Variants in C3orf33 observed in about 807,000 individuals in gnomAD.
C3orf33 encodes the protein AP-1 activity suppressor.
In C3orf33, 23 loss-of-function variants were observed where a neutral mutation model predicts 28.7. The observed-to-expected ratio is 0.80, with a 90% confidence interval of 0.58 to 1.13. C3orf33 has a LOEUF of 1.13. Ranked by LOEUF, C3orf33 falls within the 50% of genes most tolerant of loss-of-function variation. The pLI is 0.00. For missense variants in C3orf33, 327 were observed against 353.4 expected, an observed-to-expected ratio of 0.93 and a Z score of 0.60; for synonymous variants, 119 against 120.5, an observed-to-expected ratio of 0.99 and a Z score of 0.08.
At chr3:155,763,973 A>G in intron 4 of C3orf33, 55 bp from the exon 5 acceptor site, 3 of 1,193,328 alleles carry the variant, frequency 2.5e-6, no homozygotes, top group Non-Finnish European at 3.2e-6. Context: ...TGTTATACCC[A>G]TCACATCTTA....
At chr3:155,766,873 C>T (rs185115329) in intron 4 of C3orf33, among the ~76,000 whole-genome samples, 24 of 152,268 alleles carry the variant, frequency 1.6e-4, no homozygotes, top group Middle Eastern at 6.8e-3. Context: ...TTGCTTAAAC[C>T]TGGGAGGCAG....
At chr3:155,787,826 A>G (rs1454501498) in intron 2 of C3orf33, among the ~76,000 whole-genome samples, 1 of 151,928 alleles carries the variant, frequency 6.6e-6, no homozygotes, top group African/African-American at 2.4e-5. Context: ...TCAGCCACAT[A>G]TTTAAAGGAT....
At chr3:155,789,084 C>G (rs985734109) in intron 2 of C3orf33, among the ~76,000 whole-genome samples, 1 of 152,046 alleles carries the variant, frequency 6.6e-6, no homozygotes, top group East Asian at 1.9e-4. Context: ...TGGTGGCTCA[C>G]GCCTGTAATC....
intron 1 of C3orf33, chr3:155,805,777 G>A (rs1751791658): frequency 6.1e-6 from 3 of 490,514 alleles, no homozygotes; most frequent in Non-Finnish European, 1.2e-5. Context: ...CTCCCAAGGC[G>A]TACAGGACTT....
At chr3:155,802,980 A>G (rs932948421) in intron 1 of C3orf33, among the ~76,000 whole-genome samples, 5 of 152,168 alleles carry the variant, frequency 3.3e-5, no homozygotes, top group Non-Finnish European at 5.9e-5. Context: ...AGTTCCATCA[A>G]TATATGAACT....
At position 155,762,720 on chromosome 3, in the gene C3orf33, C is replaced by T. The variant is rs912263925; in HGVS notation, c.*797G>A. 1 of 152,094 alleles carries T rather than the reference C, an allele frequency of 6.6e-6. No individual in the cohort carries two copies. The highest frequency in any genetic ancestry group is 2.4e-5 in the African/African-American group (1 of 41,404). The allele number at this position is 152,094 out of a possible 1,614,324, so 9.4% of individuals were successfully genotyped here. A position where few individuals can be genotyped will look rare whatever the true frequency, so the allele number is the denominator to read the frequency against. On this transcript the variant is annotated 3_prime_UTR_variant, in exon 5 of 5. Coordinates refer to ENST00000340171, the MANE Select transcript of C3orf33 (RefSeq NM_001308229.2). ...AAAAATTCAATATGGCAATACAAAA[C>T]TTAGCCAGGCTTGGTGGGAGCTCCT...
At chr3:155,793,366 A>G (rs1367418533) in intron 2 of C3orf33, among the ~76,000 whole-genome samples, 3 of 142,286 alleles carry the variant, frequency 2.1e-5, no homozygotes, top group South Asian at 2.2e-4. Context: ...TGAGTGCTTC[A>G]ATCTGATTAA....
intron 2 of C3orf33, among the ~76,000 whole-genome samples, chr3:155,788,435 A>G (rs1257509704): frequency 2.0e-5 from 3 of 152,118 alleles, no homozygotes; most frequent in Non-Finnish European, 2.9e-5. Context: ...CTATAATCCT[A>G]GCACTTTGGG....
chr3:155,782,476 A>G (rs1016850693), intron 2 of C3orf33, among the ~76,000 whole-genome samples: 1 of 152,196 alleles, frequency 6.6e-6, no homozygotes, highest in African/African-American at 2.4e-5. Context: ...AATAAAGACA[A>G]AGAAAAAACT....
At chr3:155,768,173 C>T (rs1750473846) in intron 3 of C3orf33, among the ~76,000 whole-genome samples, 1 of 152,180 alleles carries the variant, frequency 6.6e-6, no homozygotes, top group African/African-American at 2.4e-5. Flanking sequence ...AGTCACCACG[C>T]CCAGCCTTCA....
At chr3:155,775,591 C>A in intron 3 of C3orf33, 110 bp downstream of exon 3, 2 of 663,682 alleles carry the variant, frequency 3.0e-6, no homozygotes, top group South Asian at 3.4e-5. Flanking sequence ...TTCTCATGGA[C>A]AATGGAGAGT....
chr3:155,764,025 A>G (rs1042449535), intron 4 of C3orf33, 107 bp from the exon 5 acceptor site: 4 of 885,002 alleles, frequency 4.5e-6, no homozygotes, highest in Non-Finnish European at 6.1e-6. Context: ...TAGTCCTCCA[A>G]AGAAAAGGCA....
intron 4 of C3orf33, among the ~76,000 whole-genome samples, chr3:155,764,712 CG>C (rs1362049407): frequency 7.2e-5 from 11 of 151,770 alleles, no homozygotes; most frequent in African/African-American, 2.7e-4. Context: ...AAAAATTAGC[CG>C]GGTGCGATGG....
intron 2 of C3orf33, among the ~76,000 whole-genome samples, chr3:155,799,638 A>G (rs1325333152): frequency 6.6e-6 from 1 of 152,192 alleles, no homozygotes; most frequent in Non-Finnish European, 1.5e-5. Context: ...GCAGTGAGTC[A>G]TGATCACACC....
intron 2 of C3orf33, among the ~76,000 whole-genome samples, chr3:155,799,825 C>T (rs1347060118): frequency 6.6e-6 from 1 of 152,094 alleles, no homozygotes; most frequent in Non-Finnish European, 1.5e-5. Flanking sequence ...GAGAGACAAA[C>T]TTTGCATGTT....
Position 155,787,682 on chromosome 3 carries a change from A to ATT in C3orf33, c.175-11836_175-11835dup, listed in dbSNP as rs145618294. Among the ~76,000 whole-genome samples the ATT allele has an allele frequency of 4.1e-3, 570 of 139,206 alleles. 4 individuals carry two copies. The highest frequency in any genetic ancestry group is 0.014 in the African/African-American group (525 of 38,016). 91.3% of individuals were successfully genotyped at this position (139,206 alleles called of 152,430 possible). On this transcript the variant is annotated intron_variant, in intron 2 of 4. Coordinates refer to ENST00000340171, the MANE Select transcript of C3orf33 (RefSeq NM_001308229.2). ...CCCAGCTAATTTGTTTTATCTATTT[A>ATT]TTTTTTTTTTTTGTAGAGATGGGGT...
At chr3:155,778,716 A>G (rs1750827870) in intron 2 of C3orf33, among the ~76,000 whole-genome samples, 1 of 152,236 alleles carries the variant, frequency 6.6e-6, no homozygotes, top group Admixed American at 6.5e-5. Flanking sequence ...AAACAGAGAA[A>G]TACAGATTAA....
At chr3:155,801,581 G>A (rs1751652003) in intron 2 of C3orf33, among the ~76,000 whole-genome samples, 1 of 151,840 alleles carries the variant, frequency 6.6e-6, no homozygotes, top group Non-Finnish European at 1.5e-5. Flanking sequence ...CAACATGGAT[G>A]AATCTTAGTA....
intron 2 of C3orf33, among the ~76,000 whole-genome samples, chr3:155,795,684 G>A (rs544079490): frequency 4.6e-5 from 7 of 152,064 alleles, no homozygotes; most frequent in Non-Finnish European, 8.8e-5. Context: ...GGCTGGGAGC[G>A]GTGGCTTACA....
Sources: gnomAD v4.1 joint callset for allele counts (sites outside exome capture counted in the v4.1 genomes callset) on GRCh38, gnomAD v4.1.1 for gene constraint, MANE v1.5 for transcripts, NCBI Gene and HGNC (gene_info 2026-07-23, HGNC 2026-07-21) for gene names.